CSMD1: variants seen among roughly 807,000 people sequenced by gnomAD.
CSMD1 encodes CUB and sushi domain-containing protein 1.
Under a neutral mutation model 417.5 loss-of-function variants are expected in CSMD1, and 213 were observed. The ratio of observed to expected loss-of-function variants is 0.51; its 90% CI spans 0.46 to 0.57. The LOEUF is 0.57. CSMD1 is among the 20% of genes least tolerant of loss of function. The pLI is 0.00. For synonymous variants in CSMD1, 2,862 were observed against 1,736.8 expected, an observed-to-expected ratio of 1.65 and a Z score of -16.11; for missense variants, 6,923 against 4,529.7, an observed-to-expected ratio of 1.53 and a Z score of -15.17.
At chr8:4,285,758 A>G (rs971883617) in intron 3 of CSMD1, among the ~76,000 whole-genome samples, 2 of 152,180 alleles carry the variant, frequency 1.3e-5, no homozygotes. Flanking sequence ...AGAGGTCAAA[A>G]TAGCTTTGTT....
chr8:3,667,925 A>T (rs73181190), intron 7 of CSMD1, among the ~76,000 whole-genome samples: 24,189 of 152,052 alleles, frequency 0.16, 2,119 homozygotes, highest in South Asian at 0.22. Flanking sequence ...CGGAGACACC[A>T]CTGGTGCCAA....
intron 3 of CSMD1, among the ~76,000 whole-genome samples, chr8:4,262,226 G>C (rs892813259): frequency 6.6e-6 from 1 of 152,150 alleles, no homozygotes; most frequent in East Asian, 1.9e-4. Context: ...ACTTGACTTG[G>C]ATCTGAGAGT....
intron 2 of CSMD1, among the ~76,000 whole-genome samples, chr8:4,467,030 A>T (rs1008443556): frequency 6.6e-6 from 1 of 151,950 alleles, no homozygotes; most frequent in African/African-American, 2.4e-5. Context: ...AAAGGCAACA[A>T]AAGTCTGTTT....
chr8:4,169,718 C>G (rs1337143364), intron 3 of CSMD1, among the ~76,000 whole-genome samples: 2 of 152,090 alleles, frequency 1.3e-5, no homozygotes, highest in East Asian at 1.9e-4. Context: ...TGCTCCCTAC[C>G]CCATTCTCAC....
At chr8:4,228,986 C>T (rs1009886588) in intron 3 of CSMD1, among the ~76,000 whole-genome samples, 49 of 152,242 alleles carry the variant, frequency 3.2e-4, no homozygotes, top group East Asian at 3.9e-4. Flanking sequence ...GATTTTAAAG[C>T]GCGAACCTGG....
chr8:4,239,592 C>G (rs553763340), intron 3 of CSMD1, among the ~76,000 whole-genome samples: 2 of 152,290 alleles, frequency 1.3e-5, no homozygotes, highest in South Asian at 4.1e-4. Context: ...CCCCTAGCCA[C>G]CTGCCTCTCT....
chr8:4,000,472 C>T (rs768292936), intron 4 of CSMD1, among the ~76,000 whole-genome samples: 1 of 152,202 alleles, frequency 6.6e-6, no homozygotes, highest in Non-Finnish European at 1.5e-5. Flanking sequence ...AATACAGTGG[C>T]TACTACTGAG....
intron 1 of CSMD1, among the ~76,000 whole-genome samples, chr8:4,861,086 T>C (rs921926504): frequency 1.3e-4 from 20 of 152,168 alleles, no homozygotes; most frequent in African/African-American, 4.6e-4. Context: ...CAGAATCTTA[T>C]CTTATTTTTA....
intron 2 of CSMD1, among the ~76,000 whole-genome samples, chr8:4,579,351 CGT>C (rs777864977): frequency 6.5e-4 from 98 of 150,886 alleles, no homozygotes; most frequent in Non-Finnish European, 9.7e-4. Flanking sequence ...TATACACACA[CGT>C]GTGTGTGTGT....
chr8:3,954,375 T>C (rs917572565), intron 5 of CSMD1, among the ~76,000 whole-genome samples: 5 of 138,240 alleles, frequency 3.6e-5, no homozygotes, highest in African/African-American at 1.8e-4. Context: ...CTTTTTTTTC[T>C]TTTTTGAGAC....
Position 2,962,624 on chromosome 8 carries a change from T to C in CSMD1, c.9470A>G (p.Asp3157Gly). The change falls in exon 61 of 70, where the codon GAC (aspartate) becomes GGC (glycine). Residue 3157 changes from aspartate (D) to glycine (G), a missense_variant. Physicochemically the swap from Asp to Gly is moderately conservative, Grantham distance 94. Transcript: ENST00000635120. ...IPQCLPVFCG[D>G]PGIPAEGRLS... ...TCGCCCTTCTGCGGGGATGCCAGGG[T>C]CTCCGCAGAACACAGCTATGGAAGA... 6.2e-7 allele frequency: 1 copy of C among 1,613,598 alleles called. No individual in the cohort carries two copies. Among genetic ancestry groups the C allele is most frequent in the Non-Finnish European group, 8.5e-7 (1 of 1,179,768 alleles).
intron 53 of CSMD1, among the ~76,000 whole-genome samples, chr8:2,999,466 T>C (rs906837069): frequency 1.8e-4 from 27 of 152,292 alleles, no homozygotes; most frequent in Non-Finnish European, 3.7e-4. Context: ...TTTTACCTCT[T>C]TCAAGTAAAA....
chr8:4,317,723 C>T (rs1799016683), intron 3 of CSMD1, among the ~76,000 whole-genome samples: 1 of 152,156 alleles, frequency 6.6e-6, no homozygotes, highest in Admixed American at 6.5e-5. Flanking sequence ...AGCGATAGCT[C>T]AGCTGAGTAC....
In CSMD1 at chr8:3,369,365, A is replaced by C; in HGVS notation, c.2788T>G (p.Cys930Gly). Residue 930 changes from cysteine (C) to glycine (G), a missense_variant, in exon 19 of 70, where the codon TGT becomes GGT. Physicochemically the swap from Cys to Gly is radical, Grantham distance 159. Coordinates refer to ENST00000635120, the MANE Select transcript of CSMD1 (RefSeq NM_033225.6). Reference sequence around the variant, plus strand: ...CTCTTCCCTTGGATGTAGCCTCCACATAGAGCTTAAAATAATAAAGAGAGA... The same window carrying C: ...CTCTTCCCTTGGATGTAGCCTCCACCTAGAGCTTAAAATAATAAAGAGAGA... ...NHALPSCDAL[C>G]GGYIQGKSGT... is the part of the protein sequence containing the mutation. 6.7e-7 allele frequency: 1 copy of C among 1,498,494 alleles called. No homozygotes were observed. Among genetic ancestry groups the C allele is most frequent in the Non-Finnish European group, 9.3e-7 (1 of 1,077,072 alleles). 92.8% of individuals were successfully genotyped at this position (1,498,494 alleles called of 1,614,324 possible).
intron 17 of CSMD1, among the ~76,000 whole-genome samples, chr8:3,395,047 T>G (rs1035359621): frequency 6.6e-6 from 1 of 151,778 alleles, no homozygotes; most frequent in African/African-American, 2.4e-5. Flanking sequence ...TGTGCTGGAG[T>G]GGGGCTCAGG....
intron 2 of CSMD1, among the ~76,000 whole-genome samples, chr8:4,441,549 G>A (rs1282298270): frequency 6.6e-6 from 1 of 152,040 alleles, no homozygotes; most frequent in Non-Finnish European, 1.5e-5. Context: ...AAACATAGAA[G>A]CACATGAAAG....
At chr8:4,129,605 A>G (rs1436060646) in intron 3 of CSMD1, among the ~76,000 whole-genome samples, 1 of 151,462 alleles carries the variant, frequency 6.6e-6, no homozygotes, top group African/African-American at 2.4e-5. Flanking sequence ...ATTATTACTG[A>G]CCTACTCTGA....
At chr8:4,195,803 C>A in intron 3 of CSMD1, among the ~76,000 whole-genome samples, 1 of 152,104 alleles carries the variant, frequency 6.6e-6, no homozygotes, top group East Asian at 1.9e-4. Flanking sequence ...CTTGGATGCA[C>A]AGTCCTGCCC....
At chr8:4,206,622 G>T (rs910259007) in intron 3 of CSMD1, among the ~76,000 whole-genome samples, 16 of 152,154 alleles carry the variant, frequency 1.1e-4, no homozygotes, top group Admixed American at 2.6e-4. Context: ...CTTTGCTACT[G>T]TGAACAGTGA....
Sources: allele counts gnomAD v4.1 joint callset (sites outside exome capture counted in the v4.1 genomes callset), GRCh38; gene constraint gnomAD v4.1.1; transcripts MANE v1.5; gene names NCBI Gene and HGNC (gene_info 2026-07-23, HGNC 2026-07-21).